Variants in TTLL11 observed in about 807,000 individuals in gnomAD.
TTLL11 encodes the protein tubulin tyrosine ligase like 11.
A neutral mutation model predicts 51.7 loss-of-function variants in TTLL11; 42 were observed. The observed-to-expected ratio is 0.81, with a 90% CI of 0.64 to 1.05. TTLL11 has a LOEUF of 1.05. Ranked by LOEUF, TTLL11 falls within the 50% of genes least tolerant of loss-of-function variation. The pLI, the probability that TTLL11 is intolerant of heterozygous loss-of-function variation, is 0.00. For synonymous variants in TTLL11, 381 were observed against 383.5 expected, an observed-to-expected ratio of 0.99 and a Z score of 0.08; for missense variants, 799 against 940.4, an observed-to-expected ratio of 0.85 and a Z score of 1.97.
intron 6 of TTLL11, among the ~76,000 whole-genome samples, chr9:121,971,998 GGA>G (rs1842592311): frequency 6.6e-6 from 1 of 152,062 alleles, no homozygotes; most frequent in Non-Finnish European, 1.5e-5. Context: ...GGGGACTAGG[GGA>G]GGGATAGCAT....
chr9:121,896,447 A>G (rs1035795597), intron 6 of TTLL11, among the ~76,000 whole-genome samples: 2 of 151,598 alleles, frequency 1.3e-5, no homozygotes, highest in Admixed American at 1.3e-4. Flanking sequence ...CTCCCATCTC[A>G]CACACAGTCT....
chr9:122,053,974 T>C (rs1328687831), intron 1 of TTLL11, among the ~76,000 whole-genome samples: 5 of 152,166 alleles, frequency 3.3e-5, no homozygotes, highest in Non-Finnish European at 2.9e-5. Context: ...CCAATAAATA[T>C]AGCAAGAGGA....
intron 6 of TTLL11, among the ~76,000 whole-genome samples, chr9:121,971,630 T>G (rs1432601077): frequency 5.4e-5 from 7 of 129,240 alleles, no homozygotes; most frequent in Admixed American, 7.8e-5. Context: ...AATAGAAAGG[T>G]GGGAAAGGTG....
At chr9:122,068,722 G>C (rs186369860) in intron 1 of TTLL11, among the ~76,000 whole-genome samples, 56 of 152,272 alleles carry the variant, frequency 3.7e-4, no homozygotes, top group Non-Finnish European at 7.4e-4. Context: ...GATACTGGGG[G>C]GTGTTCACCG....
In TTLL11 at chr9:122,065,929, C is replaced by T. The variant is rs114609222; in HGVS notation, c.463-26561G>A. On this transcript the variant is annotated intron_variant, in intron 1 of 8. Coordinates refer to ENST00000321582, the MANE Select transcript of TTLL11 (RefSeq NM_001139442.2). Reference sequence around the variant, plus strand: ...TCTTAAAAAGAGACACTCACAGGCACAAAGTACTGATTCTAAGCTATATTG... The same window carrying T: ...TCTTAAAAAGAGACACTCACAGGCATAAAGTACTGATTCTAAGCTATATTG... Among the ~76,000 whole-genome samples, 490 of 152,218 alleles carry T rather than the reference C, an allele frequency of 3.2e-3. 4 individuals are homozygous for T. The highest frequency in any genetic ancestry group is 0.011 in the African/African-American group (473 of 41,510).
chr9:121,873,434 G>C (rs1218354806), intron 6 of TTLL11, among the ~76,000 whole-genome samples: 1 of 136,014 alleles, frequency 7.4e-6, no homozygotes, highest in East Asian at 2.1e-4. Context: ...TCAGCCTCCT[G>C]AGTTAGCTGG....
intron 6 of TTLL11, among the ~76,000 whole-genome samples, chr9:121,896,448 C>T (rs959719689): frequency 7.9e-5 from 12 of 152,348 alleles, no homozygotes; most frequent in Non-Finnish European, 1.6e-4. Flanking sequence ...TCCCATCTCA[C>T]ACACAGTCTT....
chr9:122,074,895 A>AT (rs1361783471), intron 1 of TTLL11, among the ~76,000 whole-genome samples: 7 of 152,150 alleles, frequency 4.6e-5, no homozygotes, highest in Non-Finnish European at 1.0e-4. Flanking sequence ...CTTAAAAAAA[A>AT]AAAAAAGACC....
chr9:121,833,634 T>C (rs1421261746), intron 8 of TTLL11, among the ~76,000 whole-genome samples: 1 of 152,180 alleles, frequency 6.6e-6, no homozygotes, highest in Admixed American at 6.5e-5. Context: ...GCTAAGTGGC[T>C]TGTCAAGGTC....
chr9:121,888,652 A>C (rs1839105682), intron 6 of TTLL11, among the ~76,000 whole-genome samples: 1 of 152,256 alleles, frequency 6.6e-6, no homozygotes, highest in Admixed American at 6.5e-5. Context: ...TGAAGCCTGC[A>C]CAAAGATATG....
At chr9:121,827,242 C>G (rs1158277576) in intron 8 of TTLL11, among the ~76,000 whole-genome samples, 1 of 152,152 alleles carries the variant, frequency 6.6e-6, no homozygotes, top group African/African-American at 2.4e-5. Context: ...CCCTTCTCCC[C>G]TCTCTGTTTA....
chr9:122,027,487 C>T (rs1280145290), intron 3 of TTLL11, among the ~76,000 whole-genome samples: 6 of 152,152 alleles, frequency 3.9e-5, no homozygotes, highest in African/African-American at 7.2e-5. Flanking sequence ...ATTAGTAGGA[C>T]AACAGGCAAA....
At chr9:121,826,357 T>G in intron 8 of TTLL11, among the ~76,000 whole-genome samples, 1 of 134,010 alleles carries the variant, frequency 7.5e-6, no homozygotes, top group African/African-American at 2.8e-5. Context: ...ATATATATGG[T>G]AAAACCCATA....
At chr9:121,909,770 G>T (rs543179963) in intron 6 of TTLL11, among the ~76,000 whole-genome samples, 2 of 152,180 alleles carry the variant, frequency 1.3e-5, no homozygotes, top group East Asian at 3.9e-4. Flanking sequence ...CTCAGCTCCC[G>T]CAGAGCATTC....
chr9:121,928,886 T>C (rs907307322), intron 6 of TTLL11, among the ~76,000 whole-genome samples: 1 of 152,190 alleles, frequency 6.6e-6, no homozygotes, highest in African/African-American at 2.4e-5. Context: ...TTTGTAAAAA[T>C]GCTATTCATT....
chr9:121,929,713 C>A (rs1588132932), intron 6 of TTLL11, among the ~76,000 whole-genome samples: 1 of 152,160 alleles, frequency 6.6e-6, no homozygotes, highest in Admixed American at 6.5e-5. Context: ...TGTTATAACA[C>A]AATAAACAAG....
rs554821196 is a variant in TTLL11, at chr9:122,076,370, A to T, written c.462+16317T>A. 3.3e-5 allele frequency among the ~76,000 whole-genome samples: 5 copies of T among 152,174 alleles called. No individual in the cohort carries two copies. The South Asian group carries it at 1.0e-3, about 32-fold the overall frequency. On this transcript the variant is annotated intron_variant, in intron 1 of 8. Coordinates refer to ENST00000321582, the MANE Select transcript of TTLL11 (RefSeq NM_001139442.2). Reference sequence around the variant, plus strand: ...TGTCTGCTGGCAAGGCAAGAATCAGACTGGAAATTCCCATACCAAGCCAGG... The same window carrying T: ...TGTCTGCTGGCAAGGCAAGAATCAGTCTGGAAATTCCCATACCAAGCCAGG...
rs530792900 is a variant in TTLL11, at chr9:121,944,849, C to T, written c.1481+29160G>A. Among the ~76,000 whole-genome samples the T allele has an allele frequency of 1.6e-4, 25 of 152,258 alleles. No homozygotes were observed. The East Asian group carries it at 1.7e-3, about 11-fold the overall frequency. The stretch of plus-strand genomic sequence containing the variant: ...TGGAAAAGCAGTATTTGCAAAATCC[C>T]GTGAGAAATCGACAAGATAATAACA... On this transcript the variant is annotated intron_variant, in intron 6 of 8. Transcript: ENST00000321582.
rs752957915 is a variant in TTLL11, at chr9:121,822,809, A to G, written c.1911T>C (p.Leu637=). Residue 637 remains leucine, a synonymous_variant, in exon 9 of 9, where the codon CTT becomes CTC. Coordinates refer to ENST00000321582, the MANE Select transcript of TTLL11 (RefSeq NM_001139442.2). The surrounding 1 kb of genome is among the most constrained non-coding windows in gnomAD (Gnocchi z 5.8). ...LAQRKFKMLP[L]HEQVASLIDL... is the part of the protein sequence containing the mutation. The stretch of plus-strand genomic sequence containing the variant: ...CAATCAGTGAGGCCACCTGCTCATG[A>G]AGTGGCAGCATCTTGAACTTCCTCT... The G allele has an allele frequency of 3.0e-4, 458 of 1,551,578 alleles. No homozygotes were observed. The highest frequency in any genetic ancestry group is 3.7e-4 in the Non-Finnish European group (428 of 1,146,990).
Sources: gnomAD v4.1 joint callset for allele counts (sites outside exome capture counted in the v4.1 genomes callset) on GRCh38, gnomAD v4.1.1 for gene constraint, Gnocchi (gnomAD v3.1) non-coding constraint, MANE v1.5 for transcripts, NCBI Gene and HGNC (gene_info 2026-07-23, HGNC 2026-07-21) for gene names.